Variants in PDE11A observed in about 807,000 individuals in gnomAD.
PDE11A encodes the protein dual 3',5'-cyclic-AMP and -GMP phosphodiesterase 11A.
A neutral mutation model predicts 100.5 loss-of-function variants in PDE11A; 100 were observed. That is an observed-to-expected ratio of 1.00 (90% CI 0.85 to 1.18). PDE11A has a LOEUF of 1.18. Ranked by LOEUF, PDE11A falls within the 50% of genes most tolerant of loss-of-function variation. The pLI, the probability that PDE11A is intolerant of heterozygous loss-of-function variation, is 0.00. For synonymous variants in PDE11A, 381 were observed against 420.8 expected, an observed-to-expected ratio of 0.91 and a Z score of 1.16; for missense variants, 1,141 against 1,152.6, an observed-to-expected ratio of 0.99 and a Z score of 0.15.
chr2:178,004,985 G>T (rs1462510347), intron 2 of PDE11A, among the ~76,000 whole-genome samples: 1 of 152,058 alleles, frequency 6.6e-6, no homozygotes, highest in Non-Finnish European at 1.5e-5. Flanking sequence ...ATACTTTCTT[G>T]AACTTCAAGT....
rs1413224401 is a variant in PDE11A at position 177,845,051 on chromosome 2, G to T, written c.1368-4668C>A. On this transcript the variant is annotated intron_variant, in intron 5 of 19. Transcript: ENST00000286063. ...CCTGGCCCGTTCTCAATGAGCTGTT[G>T]GGCACACCTCCCAGACGGGGTGGTG... is the stretch of plus-strand genomic sequence containing the variant. 1.3e-5 allele frequency among the ~76,000 whole-genome samples: 2 copies of T among 151,880 alleles called. 1 individual carries two copies. The highest frequency in any genetic ancestry group is 1.3e-4 in the Admixed American group (2 of 15,262).
chr2:177,740,423 G>A (rs935127108), intron 10 of PDE11A, among the ~76,000 whole-genome samples: 3 of 152,184 alleles, frequency 2.0e-5, no homozygotes, highest in African/African-American at 7.2e-5. Flanking sequence ...GACATATTGT[G>A]TATCAAGCAT....
At chr2:177,939,521 G>A (rs1462559715) in intron 2 of PDE11A, among the ~76,000 whole-genome samples, 6 of 94,668 alleles carry the variant, frequency 6.3e-5, no homozygotes, top group East Asian at 3.1e-4. Flanking sequence ...GGAGGGAAGG[G>A]AGGGAGGGAG....
chr2:177,767,071 C>T (rs1389967433), intron 10 of PDE11A, among the ~76,000 whole-genome samples: 1 of 152,154 alleles, frequency 6.6e-6, no homozygotes, highest in Non-Finnish European at 1.5e-5. Flanking sequence ...GTGGCTCATG[C>T]CTGTAATCCC....
At chr2:177,785,176 T>C (rs904828385) in intron 9 of PDE11A, among the ~76,000 whole-genome samples, 3 of 152,154 alleles carry the variant, frequency 2.0e-5, no homozygotes, top group Admixed American at 2.0e-4. Flanking sequence ...TCCTCATCAG[T>C]AAAAGGTGAG....
intron 2 of PDE11A, among the ~76,000 whole-genome samples, chr2:177,926,194 T>C (rs1314039671): frequency 6.6e-6 from 1 of 152,240 alleles, no homozygotes; most frequent in Non-Finnish European, 1.5e-5. Flanking sequence ...ATTCTCAATA[T>C]ATGCTTTAAG....
At chr2:177,761,929 A>C (rs1373491947) in intron 10 of PDE11A, among the ~76,000 whole-genome samples, 2 of 152,228 alleles carry the variant, frequency 1.3e-5, no homozygotes, top group Admixed American at 1.3e-4. Flanking sequence ...AAACTTTGTG[A>C]GCTGGAACCT....
intron 1 of PDE11A, among the ~76,000 whole-genome samples, chr2:178,058,104 C>T (rs1291881799): frequency 6.6e-6 from 1 of 152,188 alleles, no homozygotes; most frequent in Non-Finnish European, 1.5e-5. Flanking sequence ...GATCTACCCA[C>T]CTTGGCCTCC....
intron 5 of PDE11A, among the ~76,000 whole-genome samples, chr2:177,873,843 T>C (rs963507220): frequency 6.6e-6 from 1 of 152,230 alleles, no homozygotes. Context: ...CTTACTGGTT[T>C]CTATTTCCTG....
At chr2:177,729,877 A>G (rs993089921) in intron 10 of PDE11A, among the ~76,000 whole-genome samples, 15 of 150,492 alleles carry the variant, frequency 1.0e-4, no homozygotes, top group Admixed American at 6.6e-4. Context: ...CAGTGTATCT[A>G]TTACAGGTTT....
chr2:177,832,367 T>C (rs556921947), intron 6 of PDE11A, among the ~76,000 whole-genome samples: 1 of 152,308 alleles, frequency 6.6e-6, no homozygotes, highest in Admixed American at 6.5e-5. Flanking sequence ...CATAAAAATG[T>C]GAACAAGTCA....
At chr2:177,805,442 C>T (rs1360361087) in intron 9 of PDE11A, among the ~76,000 whole-genome samples, 1 of 152,014 alleles carries the variant, frequency 6.6e-6, no homozygotes, top group Non-Finnish European at 1.5e-5. Context: ...AGGAAATTTT[C>T]ACTGAATGAC....
At chr2:177,935,844 A>G (rs550113612) in intron 2 of PDE11A, among the ~76,000 whole-genome samples, 1 of 152,334 alleles carries the variant, frequency 6.6e-6, no homozygotes, top group African/African-American at 2.4e-5. Flanking sequence ...TCTTAGCCCC[A>G]GCTCCCTATC....
At chr2:177,648,832 A>T (rs1162136382) in intron 19 of PDE11A, among the ~76,000 whole-genome samples, 1 of 152,118 alleles carries the variant, frequency 6.6e-6, no homozygotes, top group Non-Finnish European at 1.5e-5. Context: ...ACTAGGTAAG[A>T]TAAATAACAA....
intron 2 of PDE11A, among the ~76,000 whole-genome samples, chr2:177,931,677 A>G (rs958054387): frequency 6.6e-6 from 1 of 152,144 alleles, no homozygotes; most frequent in Non-Finnish European, 1.5e-5. Flanking sequence ...TTATAGCACT[A>G]AACGTCTACC....
chr2:178,075,246 G>A (rs1200707072), upstream of PDE11A, among the ~76,000 whole-genome samples: 1 of 152,032 alleles, frequency 6.6e-6, no homozygotes, highest in East Asian at 1.9e-4. Context: ...GGGGAGCAAT[G>A]ACAGCCCATC....
At chr2:178,060,335 G>GA (rs1185477956) in intron 1 of PDE11A, among the ~76,000 whole-genome samples, 1 of 152,086 alleles carries the variant, frequency 6.6e-6, no homozygotes, top group Non-Finnish European at 1.5e-5. Flanking sequence ...AAAAATAAAA[G>GA]AAAACAAAAA....
chr2:177,691,555 T>C (rs1452828603), intron 15 of PDE11A, among the ~76,000 whole-genome samples: 1 of 152,226 alleles, frequency 6.6e-6, no homozygotes, highest in Non-Finnish European at 1.5e-5. Flanking sequence ...GCTATATAAC[T>C]GCAGAGTAAC....
At position 177,838,495 on chromosome 2, in the gene PDE11A, C is replaced by T. The variant is rs183933921; in HGVS notation, c.1500+1756G>A. On this transcript the variant is annotated intron_variant, in intron 6 of 19. Transcript: ENST00000286063. ...TAGTATTTAGTCTATCGTTCCTTCTCCAAAGAGGTAATTCTAACTGCCATT... is the reference window on the plus strand; with the variant it reads ...TAGTATTTAGTCTATCGTTCCTTCTTCAAAGAGGTAATTCTAACTGCCATT... Among the ~76,000 whole-genome samples, 664 of 152,226 alleles carry T rather than the reference C, an allele frequency of 4.4e-3. 5 individuals carry two copies. Among genetic ancestry groups the T allele is most frequent in the Non-Finnish European group, 5.1e-3 (344 of 68,008 alleles).
Sources: gnomAD v4.1 joint callset for allele counts (sites outside exome capture counted in the v4.1 genomes callset) on GRCh38, gnomAD v4.1.1 for gene constraint, MANE v1.5 for transcripts, NCBI Gene and HGNC (gene_info 2026-07-23, HGNC 2026-07-21) for gene names.